The following SLC4A5 variants were observed in gnomAD, a reference collection of about 807,000 sequenced individuals.
SLC4A5 encodes the protein solute carrier family 4 member 5, also known as electrogenic sodium bicarbonate cotransporter 4.
SLC4A5 carries 96 observed loss-of-function variants against 120.4 expected under a neutral mutation model. That is an observed-to-expected ratio of 0.80 (90% CI 0.68 to 0.94). The LOEUF (loss-of-function observed/expected upper bound fraction) is 0.94. SLC4A5 is among the 40% of genes least tolerant of loss of function. The pLI is 0.00. For missense variants in SLC4A5, 1,259 were observed against 1,459.5 expected, an observed-to-expected ratio of 0.86 and a Z score of 2.24; for synonymous variants, 550 against 571.1, an observed-to-expected ratio of 0.96 and a Z score of 0.53.
chr2:74,255,996 C>T lies in SLC4A5; in HGVS notation c.868-64G>A. ...CCACCTGCTCTCACTCCCTCACTCC[C>T]CTTCAGACTGCTTTGAGGCCTAACT... On this transcript the variant is annotated intron_variant, in intron 12 of 30. Transcript: ENST00000394019. This position sits in a 1 kb window ranked among gnomAD's most constrained non-coding sequence, Gnocchi z 4.0. The T allele has an allele frequency of 1.3e-6, 2 of 1,571,504 alleles. No individual in the cohort carries two copies. Among genetic ancestry groups the T allele is most frequent in the Non-Finnish European group, 1.7e-6 (2 of 1,150,070 alleles).
At position 74,221,417 on chromosome 2, in the gene SLC4A5, T is replaced by C; in HGVS notation, c.*33+17A>G. On this transcript the variant is annotated intron_variant, in intron 30 of 30. Coordinates refer to ENST00000394019, the Ensembl canonical transcript of SLC4A5. ...TCTCTTACCTAATACGCAAGGAGTC[T>C]ACCTAACAGTGTTTACCTTCGGTCA... The C allele has an allele frequency of 1.3e-6, 2 of 1,583,684 alleles. No individual in the cohort carries two copies. Among genetic ancestry groups the C allele is most frequent in the Non-Finnish European group, 1.7e-6 (2 of 1,152,512 alleles).
chr2:74,232,510 C>A, exon 24 of SLC4A5: 1 of 1,614,092 alleles, frequency 6.2e-7, no homozygotes, highest in Non-Finnish European at 8.5e-7. Flanking sequence ...GGGCACTGGT[C>A]TCTGTCTCCA....
exon 24 of SLC4A5, chr2:74,232,585 A>G (rs1347876418): frequency 1.4e-5 from 23 of 1,613,820 alleles, no homozygotes; most frequent in African/African-American, 2.7e-5. Flanking sequence ...GGAGCCCCAT[A>G]AAGGAGCACA....
At chr2:74,314,197 T>C (rs1172007564) in intron 6 of SLC4A5, among the ~76,000 whole-genome samples, 1 of 152,178 alleles carries the variant, frequency 6.6e-6, no homozygotes, top group Non-Finnish European at 1.5e-5. Context: ...CAAAAGAGCA[T>C]GGTGATTTAG....
At chr2:74,248,575 C>T (rs1573024483) in intron 17 of SLC4A5, 89 bp from the exon 18 acceptor site, 1 of 1,478,418 alleles carries the variant, frequency 6.8e-7, no homozygotes, top group East Asian at 2.4e-5. Flanking sequence ...CTCCACGGGC[C>T]CAGGCCACAG....
intron 21 of SLC4A5, among the ~76,000 whole-genome samples, chr2:74,237,768 C>T (rs1573013323): frequency 6.6e-6 from 1 of 152,080 alleles, no homozygotes; most frequent in South Asian, 2.1e-4. Context: ...TTTCATAAAT[C>T]TTTTATTCCA....
intron 11 of SLC4A5, among the ~76,000 whole-genome samples, chr2:74,260,067 C>T (rs1006657360): frequency 3.3e-5 from 5 of 152,198 alleles, no homozygotes; most frequent in Non-Finnish European, 4.4e-5. Context: ...CCTCCATGAC[C>T]GGTGAGAGTC....
chr2:74,243,250 C>T (rs1213852347), intron 19 of SLC4A5, among the ~76,000 whole-genome samples: 3 of 152,232 alleles, frequency 2.0e-5, no homozygotes, highest in South Asian at 2.1e-4. Flanking sequence ...TCTGCTCCCC[C>T]GTTCTGCAGT....
At chr2:74,252,240 C>T (rs374813637) in exon 16 of SLC4A5, 29 of 1,611,196 alleles carry the variant, frequency 1.8e-5, no homozygotes, top group African/African-American at 6.7e-5. Flanking sequence ...CCATCATCCC[C>T]GCTGCTTGTT....
chr2:74,296,663 C>A (rs965178419), intron 7 of SLC4A5, among the ~76,000 whole-genome samples: 2 of 150,092 alleles, frequency 1.3e-5, no homozygotes, highest in Non-Finnish European at 3.0e-5. Flanking sequence ...GTGGCACATG[C>A]CTGTAATCCC....
intron 12 of SLC4A5, among the ~76,000 whole-genome samples, chr2:74,257,343 G>A (rs1021974924): frequency 5.9e-5 from 9 of 152,024 alleles, no homozygotes; most frequent in Non-Finnish European, 8.8e-5. Flanking sequence ...CAGGAACACC[G>A]GAGTCCCCAA....
At chr2:74,308,974 G>A (rs917558363) in intron 6 of SLC4A5, among the ~76,000 whole-genome samples, 9 of 151,796 alleles carry the variant, frequency 5.9e-5, no homozygotes, top group Middle Eastern at 6.8e-3. Flanking sequence ...GAGTGCAGTG[G>A]TATGATCATG....
At chr2:74,340,747 CG>C in intron 2 of SLC4A5, among the ~76,000 whole-genome samples, 1 of 152,204 alleles carries the variant, frequency 6.6e-6, no homozygotes, top group South Asian at 2.1e-4. Flanking sequence ...ACAACCCTGA[CG>C]GGGTTGAGGA....
chr2:74,338,643 A>G (rs1193496887), intron 3 of SLC4A5, among the ~76,000 whole-genome samples: 1 of 151,984 alleles, frequency 6.6e-6, no homozygotes, highest in Non-Finnish European at 1.5e-5. Context: ...ACATGGTGAA[A>G]CCCCATGTCT....
intron 12 of SLC4A5, among the ~76,000 whole-genome samples, chr2:74,258,573 A>G (rs1343156678): frequency 6.6e-6 from 1 of 152,234 alleles, no homozygotes; most frequent in African/African-American, 2.4e-5. Context: ...CTTCCAAGTT[A>G]AGGGCTCTGG....
chr2:74,236,511 C>T (rs1013112919), intron 21 of SLC4A5, among the ~76,000 whole-genome samples: 12 of 152,118 alleles, frequency 7.9e-5, no homozygotes, highest in African/African-American at 2.2e-4. Context: ...TTTCCATTGT[C>T]GAAGCTGAGA....
chr2:74,271,114 T>C (rs1671462359), intron 8 of SLC4A5, among the ~76,000 whole-genome samples: 1 of 152,148 alleles, frequency 6.6e-6, no homozygotes, highest in South Asian at 2.1e-4. Flanking sequence ...AGGTCAAAGA[T>C]TCTACATTTC....
chr2:74,324,324 A>C (rs1301436874), intron 5 of SLC4A5, among the ~76,000 whole-genome samples: 2 of 152,114 alleles, frequency 1.3e-5, no homozygotes, highest in African/African-American at 4.8e-5. Context: ...TCAATGGCGC[A>C]ATCACAGCTT....
At chr2:74,321,193 C>A in intron 5 of SLC4A5, among the ~76,000 whole-genome samples, 1 of 152,172 alleles carries the variant, frequency 6.6e-6, no homozygotes, top group East Asian at 1.9e-4. Context: ...CTGCTAGTTA[C>A]TTCCCTGATG....
Sources: gnomAD v4.1 joint callset for allele counts (sites outside exome capture counted in the v4.1 genomes callset) on GRCh38, gnomAD v4.1.1 for gene constraint, Gnocchi (gnomAD v3.1) non-coding constraint, MANE v1.5 for transcripts, NCBI Gene and HGNC (gene_info 2026-07-23, HGNC 2026-07-21) for gene names.